Variants in SPATA20 observed in about 807,000 individuals in gnomAD.
The protein encoded by SPATA20 is spermatogenesis associated 20.
SPATA20 carries 74 observed loss-of-function variants against 98.9 expected under a neutral mutation model. That is an observed-to-expected ratio of 0.75 (90% CI 0.62 to 0.91). The LOEUF (loss-of-function observed/expected upper bound fraction) is 0.91, where lower values mean the gene tolerates loss of function less well. Among genes scored for constraint, SPATA20 ranks in the 40% least tolerant of loss-of-function variants. The probability of loss-of-function intolerance (pLI) is 0.00; values close to 1 mark genes in which losing one functional copy is unlikely to be tolerated. For synonymous variants in SPATA20, 430 were observed against 440.5 expected, an observed-to-expected ratio of 0.98 and a Z score of 0.30; for missense variants, 1,016 against 1,069.8, an observed-to-expected ratio of 0.95 and a Z score of 0.70.
chr17:50,547,343 G>A, intron 1 of SPATA20, 58 bp downstream of exon 1: 1 of 1,361,050 alleles, frequency 7.3e-7, no homozygotes, highest in South Asian at 1.6e-5. Flanking sequence ...CGGGCCCAGT[G>A]GAGGGTCTTC....
intron 7 of SPATA20, among the ~76,000 whole-genome samples, 166 bp from the exon 8 acceptor site, chr17:50,549,819 G>T (rs1358299052): frequency 6.6e-6 from 1 of 152,164 alleles, no homozygotes; most frequent in Non-Finnish European, 1.5e-5. Flanking sequence ...TCTGGCTTAG[G>T]CTATTACCTT....
intron 14 of SPATA20, among the ~76,000 whole-genome samples, chr17:50,552,653 CG>C (rs1304537159): frequency 6.6e-6 from 1 of 151,222 alleles, no homozygotes; most frequent in African/African-American, 2.4e-5. Context: ...CCTCTGCCTC[CG>C]GGGCTGAATC....
At chr17:50,553,851 A>G (rs898908815) in intron 14 of SPATA20, among the ~76,000 whole-genome samples, 4 of 152,090 alleles carry the variant, frequency 2.6e-5, no homozygotes, top group Admixed American at 6.6e-5. Context: ...TGGAAGTATG[A>G]GATGGGGAGA....
Position 50,549,320 on chromosome 17 carries a change from G to A in SPATA20, c.695G>A (p.Ser232Asn). The change falls in exon 7 of 17, where the codon AGC (serine) becomes AAC (asparagine). Residue 232 changes from serine (S) to asparagine (N), a missense_variant. Ser to Asn is a conservative substitution (Grantham distance 46). Transcript: ENST00000006658. ...AACAAGAACACCCTGCTAGAAAATA[G>A]CCAGCGTGTCACCACTGCCCTGCTG... ...KQNKNTLLEN[S>N]QRVTTALLAR... 6.2e-7 allele frequency: 1 copy of A among 1,612,386 alleles called. No individual in the cohort carries two copies. The highest frequency in any genetic ancestry group is 8.5e-7 in the Non-Finnish European group (1 of 1,179,842).
intron 14 of SPATA20, among the ~76,000 whole-genome samples, chr17:50,552,997 C>G (rs2035039831): frequency 6.6e-6 from 1 of 152,222 alleles, no homozygotes; most frequent in African/African-American, 2.4e-5. Flanking sequence ...CACTTGGTCT[C>G]TGCCCTCATG....
Position 50,548,461 on chromosome 17 carries a change from C to A in SPATA20, c.296+8C>A, listed in dbSNP as rs762638335. On this transcript the variant is annotated splice_region_variant and intron_variant, in intron 3 of 16. Transcript: ENST00000006658. ...CTACAATCCTGTGGACTGGTGAGCA[C>A]CTCTCCTGGGGCCCTGCCTGGAATC... The A allele has an allele frequency of 1.2e-6, 2 of 1,613,850 alleles. No homozygotes were observed. Among genetic ancestry groups the A allele is most frequent in the South Asian group, 1.1e-5 (1 of 91,068 alleles).
rs774965535 is a variant in SPATA20, at chr17:50,554,348, T to G, written c.2055T>G (p.Cys685Trp). 1 of 1,614,100 alleles carries G rather than the reference T, an allele frequency of 6.2e-7. No individual in the cohort carries two copies. The highest frequency in any genetic ancestry group is 8.5e-7 in the Non-Finnish European group (1 of 1,180,014). The change falls in exon 15 of 17, where the codon TGT (cysteine) becomes TGG (tryptophan). Residue 685 changes from cysteine (C) to tryptophan (W), a missense_variant. Physicochemically the swap from Cys to Trp is radical, Grantham distance 215. Transcript: ENST00000006658. ...FTGHKDWMDK[C>W]VCLLTAFSER... ...GCCACAAGGACTGGATGGACAAGTG[T>G]GTGTGCCTATTGACCGCCTTTTCCG...
In SPATA20 at chr17:50,550,609, G is replaced by T. The variant is rs753737824; in HGVS notation, c.1172G>T (p.Arg391Leu). ...TACGTGGCTCGGAGCCTGAGCCACC[G>T]GGTGTGTGTCCATGGTGGCAGGCAG... ...LQYVARSLSHRSGGFYSAEDA... is the reference protein window; with the variant it reads ...LQYVARSLSHLSGGFYSAEDA... Residue 391 changes from arginine (R) to leucine (L), a missense_variant and splice_region_variant, in exon 10 of 17, where the codon CGG (arginine) becomes CTG (leucine). By Grantham distance (102) the Arg-to-Leu change is moderately radical (BLOSUM62 -2). Coordinates refer to ENST00000006658, the MANE Select transcript of SPATA20 (RefSeq NM_022827.4). 5.6e-6 allele frequency: 9 copies of T among 1,613,968 alleles called. No homozygotes were observed. Among genetic ancestry groups the T allele is most frequent in the Non-Finnish European group, 7.6e-6 (9 of 1,179,932 alleles).
intron 16 of SPATA20, 48 bp from the exon 17 acceptor site, chr17:50,555,444 G>A (rs1462692397): frequency 1.2e-6 from 2 of 1,609,936 alleles, no homozygotes; most frequent in East Asian, 2.2e-5. Context: ...TAATGGGCAG[G>A]TGACCCCACC....
rs769861113 is a variant in SPATA20, at chr17:50,550,108, T to A, written c.986T>A (p.Val329Glu). 2.5e-6 allele frequency: 4 copies of A among 1,612,822 alleles called. No homozygotes were observed. The East Asian group carries it at 6.7e-5, about 27-fold the overall frequency. ...GCTAACGGGGGCATCCGGGACCATGTGGGGCAGGTGACGGGCACTGGGTGT... is the reference window on the plus strand; with the variant it reads ...GCTAACGGGGGCATCCGGGACCATGAGGGGCAGGTGACGGGCACTGGGTGT... ...MMANGGIRDH[V>E]GQGFHRYSTD... is the part of the protein sequence containing the mutation. Residue 329 changes from valine (V) to glutamate (E), a missense_variant, in exon 8 of 17, where the codon GTG becomes GAG. Coordinates refer to ENST00000006658, the MANE Select transcript of SPATA20 (RefSeq NM_022827.4).
chr17:50,551,666 A>T lies in SPATA20; in HGVS notation c.1732A>T (p.Thr578Ser). 6.3e-7 allele frequency: 1 copy of T among 1,587,808 alleles called. No homozygotes were observed. Among genetic ancestry groups the T allele is most frequent in the Non-Finnish European group, 8.6e-7 (1 of 1,159,096 alleles). Reference sequence around the variant, plus strand: ...GACCTGCTACACCGGCCCTGGGGGGACTGTGGAGCACAGGTTGGGGGCTGG... The same window carrying T: ...GACCTGCTACACCGGCCCTGGGGGGTCTGTGGAGCACAGGTTGGGGGCTGG... ...MRTCYTGPGG[T>S]VEHSNPPCWG... is the part of the protein sequence containing the mutation. The change falls in exon 13 of 17, where the codon ACT (threonine) becomes TCT (serine). Residue 578 changes from threonine (T) to serine (S), a missense_variant. Thr to Ser is a moderately conservative substitution (Grantham distance 58). Transcript: ENST00000006658.
intron 2 of SPATA20, 199 bp downstream of exon 2, chr17:50,547,966 G>T: frequency 6.7e-7 from 1 of 1,498,350 alleles, no homozygotes; most frequent in Non-Finnish European, 8.9e-7. Flanking sequence ...CCTGGGGAGG[G>T]GTAAGAATGG....
chr17:50,550,215 A>T lies in SPATA20; in HGVS notation c.1001A>T (p.His334Leu). 6.2e-7 allele frequency: 1 copy of T among 1,612,576 alleles called. No individual in the cohort carries two copies. The highest frequency in any genetic ancestry group is 1.7e-5 in the Admixed American group (1 of 59,982). Residue 334 changes from histidine (H) to leucine (L), a missense_variant, in exon 9 of 17, where the codon CAC becomes CTC. Coordinates refer to ENST00000006658, the MANE Select transcript of SPATA20 (RefSeq NM_022827.4). Reference protein sequence around the residue: ...GIRDHVGQGFHRYSTDRQWHV... With the variant: ...GIRDHVGQGFLRYSTDRQWHV... ...AGCTTTGTATCCGCACAGGGCTTTC[A>T]CCGCTACTCCACAGACCGCCAGTGG...
chr17:50,548,534 C>G lies in SPATA20; in HGVS notation c.297-20C>G. 2.5e-6 allele frequency: 4 copies of G among 1,613,342 alleles called. 1 individual carries two copies. The South Asian group carries it at 4.4e-5, about 18-fold the overall frequency. The stretch of plus-strand genomic sequence containing the variant: ...AGACCCCCTGGGCTACTGAGTGATG[C>G]CCCACCCTGCTGGGTCTAGGTACCC... On this transcript the variant is annotated intron_variant, in intron 3 of 16. Transcript: ENST00000006658.
At chr17:50,549,597 G>GCAAGGAGGTCACTGC in intron 7 of SPATA20, 110 bp downstream of exon 7, 1 of 1,140,282 alleles carries the variant, frequency 8.8e-7, no homozygotes, top group Non-Finnish European at 1.2e-6. Context: ...CTCCTGACTG[G>GCAAGGAGGTCACTGC]CAGTGACCTC....
chr17:50,554,870 C>G (rs2035078952), intron 15 of SPATA20, among the ~76,000 whole-genome samples: 2 of 148,012 alleles, frequency 1.4e-5, no homozygotes, highest in Admixed American at 6.7e-5. Flanking sequence ...GTATCTGCCT[C>G]TGTGTGGGCA....
chr17:50,555,540 C>T lies in SPATA20; in HGVS notation c.2287C>T (p.Leu763=), dbSNP rs2035105441. The T allele has an allele frequency of 6.2e-7, 1 of 1,614,068 alleles. No individual in the cohort carries two copies. ...CCCCTCGAGCTTCCTGTCCCGCCAG[C>T]TGCCTTTCCTGAGTACCCTCCGACG... is the stretch of plus-strand genomic sequence containing the variant. The part of the protein sequence containing the change: ...GDPSSFLSRQ[L]PFLSTLRRLE... Residue 763 remains leucine, a synonymous_variant, in exon 17 of 17, where the codon CTG becomes TTG. Transcript: ENST00000006658.
Position 50,548,900 on chromosome 17 carries a change from T to C in SPATA20, c.452T>C (p.Val151Ala), listed in dbSNP as rs749884602. ...GGCCGCCTGCTCAGTGAGGACTTTG[T>C]GAGTGTGAAGGTAGACCGTGAGGAG... ...EIGRLLSEDF[V>A]SVKVDREERP... Residue 151 changes from valine to alanine, a missense_variant, in exon 5 of 17, where the codon GTG becomes GCG. By Grantham distance (64) the Val-to-Ala change is moderately conservative. Transcript: ENST00000006658. The C allele has an allele frequency of 5.0e-6, 8 of 1,614,116 alleles. No homozygotes were observed. Among genetic ancestry groups the C allele is most frequent in the Non-Finnish European group, 6.8e-6 (8 of 1,180,000 alleles).
At chr17:50,554,494 A>C (rs1298000585) in intron 15 of SPATA20, 44 bp downstream of exon 15, 1 of 1,589,926 alleles carries the variant, frequency 6.3e-7, no homozygotes, top group Admixed American at 1.7e-5. Context: ...GGTAGGAGGG[A>C]AGTTGGGGCT....
Sources: allele counts gnomAD v4.1 joint callset (sites outside exome capture counted in the v4.1 genomes callset), GRCh38; gene constraint gnomAD v4.1.1; transcripts MANE v1.5; gene names NCBI Gene and HGNC (gene_info 2026-07-23, HGNC 2026-07-21).